The following STIM2 variants were observed in gnomAD, a reference collection of about 807,000 sequenced individuals.
The protein encoded by STIM2 is stromal interaction molecule 2.
Under a neutral mutation model 85.8 loss-of-function variants are expected in STIM2, and 31 were observed. The ratio of observed to expected loss-of-function variants is 0.36; its 90% CI spans 0.27 to 0.49. The LOEUF (loss-of-function observed/expected upper bound fraction) is 0.49. Among genes scored for constraint, STIM2 ranks in the 20% least tolerant of loss-of-function variants. STIM2 has a pLI of 0.98. For missense variants in STIM2, 841 were observed against 927.6 expected, an observed-to-expected ratio of 0.91 and a Z score of 1.21; for synonymous variants, 356 against 331.1, an observed-to-expected ratio of 1.08 and a Z score of -0.82.
intron 1 of STIM2, among the ~76,000 whole-genome samples, chr4:26,868,040 C>T (rs761367471): frequency 6.6e-6 from 1 of 152,178 alleles, no homozygotes; most frequent in Non-Finnish European, 1.5e-5. Context: ...GCTGCAGTCC[C>T]GAGAGTAATT....
At chr4:26,973,322 T>A (rs1373763434) in intron 3 of STIM2, among the ~76,000 whole-genome samples, 2 of 152,188 alleles carry the variant, frequency 1.3e-5, no homozygotes, top group African/African-American at 2.4e-5. Flanking sequence ...TTCTTTTAAT[T>A]GTGATGTTAG....
intron 2 of STIM2, among the ~76,000 whole-genome samples, chr4:26,951,681 C>T (rs1726058804): frequency 1.3e-5 from 2 of 152,084 alleles, no homozygotes; most frequent in South Asian, 4.1e-4. Context: ...AAATAAAACA[C>T]AGAAGGAGAT....
At chr4:26,987,772 C>T (rs1727634302) in intron 3 of STIM2, among the ~76,000 whole-genome samples, 1 of 152,186 alleles carries the variant, frequency 6.6e-6, no homozygotes. Context: ...AATCCTGAGT[C>T]CATTAATGTA....
chr4:26,962,293 T>C (rs1271836325), intron 3 of STIM2, among the ~76,000 whole-genome samples: 1 of 152,232 alleles, frequency 6.6e-6, no homozygotes, highest in African/African-American at 2.4e-5. Context: ...TTAGTAAAGG[T>C]TGATTCTCTC....
intron 3 of STIM2, among the ~76,000 whole-genome samples, chr4:26,966,131 G>T (rs956575005): frequency 6.6e-6 from 1 of 152,086 alleles, no homozygotes; most frequent in African/African-American, 2.4e-5. Context: ...TACAGTAAAA[G>T]AACCTTCTGC....
intron 2 of STIM2, among the ~76,000 whole-genome samples, chr4:26,921,221 C>T (rs966782248): frequency 2.0e-5 from 3 of 152,140 alleles, no homozygotes; most frequent in African/African-American, 7.2e-5. Flanking sequence ...GCTGCCAATA[C>T]CAGAAGCTAA....
At chr4:27,021,287 ATTTTAGG>A (rs1728901634) in intron 11 of STIM2, 2 of 485,484 alleles carry the variant, frequency 4.1e-6, no homozygotes, top group Non-Finnish European at 3.7e-6. Flanking sequence ...ATAAAATATC[ATTTTAGG>A]TTTTGGTAAG....
rs189821660 is a variant in STIM2, at chr4:26,974,159, G to A, written c.397+16433G>A. Among the ~76,000 whole-genome samples the A allele has an allele frequency of 9.2e-5, 14 of 152,252 alleles. No homozygotes were observed. The East Asian group carries it at 1.5e-3, about 17-fold the overall frequency. ...GCGTGCTGTGGGTCTCCTAAATACA[G>A]CACACTGATGGGTCTTGACTCTTTA... is the stretch of plus-strand genomic sequence containing the variant. On this transcript the variant is annotated intron_variant, in intron 3 of 11. Coordinates refer to ENST00000467087, the MANE Select transcript of STIM2 (RefSeq NM_020860.4).
chr4:26,995,604 A>G (rs1302368540), intron 4 of STIM2, 114 bp downstream of exon 4: 2 of 467,686 alleles, frequency 4.3e-6, no homozygotes, highest in East Asian at 7.2e-5. Context: ...CAAAGGAAAT[A>G]TAAATATATC....
chr4:26,921,284 T>G (rs1383234305), intron 2 of STIM2, among the ~76,000 whole-genome samples: 5 of 152,226 alleles, frequency 3.3e-5, no homozygotes, highest in Non-Finnish European at 5.9e-5. Flanking sequence ...AGCATGATTC[T>G]GTGGACACAT....
intron 1 of STIM2, among the ~76,000 whole-genome samples, chr4:26,889,979 A>G (rs1723404514): frequency 6.6e-6 from 1 of 152,166 alleles, no homozygotes; most frequent in Non-Finnish European, 1.5e-5. Flanking sequence ...CCATCTAGCT[A>G]AACAGTAGGC....
At chr4:26,927,431 C>CA (rs1405922416) in intron 2 of STIM2, among the ~76,000 whole-genome samples, 1 of 24,174 alleles carries the variant, frequency 4.1e-5, no homozygotes, top group Non-Finnish European at 8.4e-5. Flanking sequence ...ATCGCAAGAA[C>CA]AAAAAACCAA....
chr4:26,874,229 G>C lies in STIM2; in HGVS notation c.151+12860G>C, dbSNP rs942646587. The C allele has an allele frequency of 6.7e-6, 3 of 445,704 alleles. No individual in the cohort carries two copies. The Admixed American group carries it at 8.7e-5, about 13-fold the overall frequency. The allele number at this position is 445,704 out of a possible 1,614,324, so 27.6% of individuals were successfully genotyped here. A position where few individuals can be genotyped will look rare whatever the true frequency, so the allele number is the denominator to read the frequency against. ...GTCTGCACAGGGAACCCAGGGCTGC[G>C]GCAGGGGTCTCCTGGATGGCTGGCC... On this transcript the variant is annotated intron_variant, in intron 1 of 11. Transcript: ENST00000467087.
At chr4:26,878,144 C>G (rs1560191449) in intron 1 of STIM2, among the ~76,000 whole-genome samples, 1 of 152,188 alleles carries the variant, frequency 6.6e-6, no homozygotes, top group Non-Finnish European at 1.5e-5. Context: ...CAGCAACATC[C>G]TGTTCTATAG....
At chr4:26,887,124 C>G (rs778496507) in intron 1 of STIM2, among the ~76,000 whole-genome samples, 1 of 150,636 alleles carries the variant, frequency 6.6e-6, no homozygotes, top group African/African-American at 2.4e-5. Context: ...TGGAACAACC[C>G]GTAGTGTTCA....
intron 1 of STIM2, among the ~76,000 whole-genome samples, chr4:26,885,678 G>T (rs1723191013): frequency 6.6e-6 from 1 of 151,200 alleles, no homozygotes; most frequent in African/African-American, 2.4e-5. Context: ...TTTTGCCTGG[G>T]TGAATTCAGA....
chr4:27,018,939 C>G (rs187106864), intron 11 of STIM2, among the ~76,000 whole-genome samples: 19 of 152,294 alleles, frequency 1.2e-4, no homozygotes, highest in Middle Eastern at 3.4e-3. Flanking sequence ...AAGAAAATGT[C>G]AGGAACTTAG....
rs71186495 is a variant in STIM2, at chr4:26,869,299, CAAAAAAAAAA to C, written c.151+7942_151+7951del. Among the ~76,000 whole-genome samples, 9 of 85,856 alleles carry C rather than the reference CAAAAAAAAAA, an allele frequency of 1.0e-4. No individual in the cohort carries two copies. In the East Asian group the frequency reaches 2.2e-3, roughly 21 times the overall value. The allele number at this position is 85,856 out of a possible 152,430, so 56.3% of individuals were successfully genotyped here. On this transcript the variant is annotated intron_variant, in intron 1 of 11. Transcript: ENST00000467087. ...GGACGGCGGAGTGAGACCCTGTCTC[CAAAAAAAAAA>C]AAAAAAAAAAAGGAAGAAAAAAGTT... is the stretch of plus-strand genomic sequence containing the variant.
intron 1 of STIM2, among the ~76,000 whole-genome samples, chr4:26,908,114 C>T (rs568836489): frequency 1.3e-5 from 2 of 152,188 alleles, no homozygotes; most frequent in Non-Finnish European, 1.5e-5. Context: ...GCAACACTTA[C>T]GTCTCAAATG....
Sources: gnomAD v4.1 joint callset for allele counts (sites outside exome capture counted in the v4.1 genomes callset) on GRCh38, gnomAD v4.1.1 for gene constraint, MANE v1.5 for transcripts, NCBI Gene and HGNC (gene_info 2026-07-23, HGNC 2026-07-21) for gene names.